The following CRYBG1 variants were observed in gnomAD, a reference collection of about 807,000 sequenced individuals.
CRYBG1 encodes the protein beta/gamma crystallin domain-containing protein 1.
A neutral mutation model predicts 189.2 loss-of-function variants in CRYBG1; 139 were observed. The ratio of observed to expected loss-of-function variants is 0.73; its 90% CI spans 0.64 to 0.85. The LOEUF (loss-of-function observed/expected upper bound fraction) is 0.85, where lower values mean the gene tolerates loss of function less well. Among genes scored for constraint, CRYBG1 ranks in the 40% least tolerant of loss-of-function variants. The pLI, the probability that CRYBG1 is intolerant of heterozygous loss-of-function variation, is 0.00. For missense variants in CRYBG1, 2,611 were observed against 2,675.8 expected, an observed-to-expected ratio of 0.98 and a Z score of 0.53; for synonymous variants, 1,023 against 1,017.1, an observed-to-expected ratio of 1.01 and a Z score of -0.11.
chr6:106,543,466 T>C lies in CRYBG1; in HGVS notation c.4908T>C (p.Phe1636=), dbSNP rs1351366940. The change falls in exon 11 of 22, where the codon TTT becomes TTC. Residue 1636 remains phenylalanine, a synonymous_variant. Transcript: ENST00000633556. ...TAGTTGTTTATGAAAAGCCTTTCTT[T>C]GAAGGAAAATGTGTGGAACTAGAAA... ...PKVVVYEKPF[F]EGKCVELETG... The C allele has an allele frequency of 1.2e-6, 2 of 1,613,874 alleles. No homozygotes were observed. Among genetic ancestry groups the C allele is most frequent in the Non-Finnish European group, 1.7e-6 (2 of 1,179,814 alleles).
At position 106,511,730 on chromosome 6, in the gene CRYBG1, GCCC is replaced by G; in HGVS notation, c.618_620del (p.Pro207del). 2 of 1,535,208 alleles carry G rather than the reference GCCC, an allele frequency of 1.3e-6. No homozygotes were observed. Among genetic ancestry groups the G allele is most frequent in the Non-Finnish European group, 1.7e-6 (2 of 1,146,542 alleles). Reference sequence around the variant, plus strand: ...GCTCCCCGAGAGCGGTGGCCCCGCAGCCCCCCCTGACGCCGAGCTGTCACCTCG... The same window carrying G: ...GCTCCCCGAGAGCGGTGGCCCCGCAGCCCCTGACGCCGAGCTGTCACCTCG... On this transcript the variant is annotated inframe_deletion, in exon 3 of 22. Coordinates refer to ENST00000633556, the MANE Select transcript of CRYBG1 (RefSeq NM_001371242.2).
intron 1 of CRYBG1, among the ~76,000 whole-genome samples, chr6:106,430,722 C>T (rs1202152478): frequency 2.6e-5 from 4 of 152,090 alleles, no homozygotes; most frequent in Non-Finnish European, 4.4e-5. Context: ...CATATTATCT[C>T]GTGGCCTTTC....
intron 2 of CRYBG1, among the ~76,000 whole-genome samples, chr6:106,508,215 G>T (rs1773171558): frequency 6.6e-6 from 1 of 152,220 alleles, no homozygotes. Flanking sequence ...TGCACACCAG[G>T]CTGGTCAATA....
chr6:106,440,453 G>T (rs747292445), intron 1 of CRYBG1, among the ~76,000 whole-genome samples: 2 of 152,038 alleles, frequency 1.3e-5, no homozygotes, highest in Non-Finnish European at 2.9e-5. Context: ...TTTTGGTAGA[G>T]GCAGGGTTTC....
chr6:106,401,358 G>A (rs1283638346), intron 1 of CRYBG1, among the ~76,000 whole-genome samples: 1 of 147,844 alleles, frequency 6.8e-6, no homozygotes, highest in Non-Finnish European at 1.5e-5. Flanking sequence ...TATTATTAGT[G>A]ATATCTTTAT....
intron 21 of CRYBG1, among the ~76,000 whole-genome samples, chr6:106,565,780 TACTC>T (rs1418735003): frequency 2.0e-5 from 3 of 152,206 alleles, no homozygotes. Flanking sequence ...ACAGGTGAAA[TACTC>T]ATTTTATAGA....
At chr6:106,438,398 A>G (rs1771505747) in intron 1 of CRYBG1, among the ~76,000 whole-genome samples, 1 of 152,150 alleles carries the variant, frequency 6.6e-6, no homozygotes, top group African/African-American at 2.4e-5. Flanking sequence ...TCTCTCTCAC[A>G]GTCTGGGGGC....
Position 106,568,793 on chromosome 6 carries a change from A to G in CRYBG1, c.*227A>G. 2.3e-6 allele frequency: 1 copy of G among 431,896 alleles called. No homozygotes were observed. Among genetic ancestry groups the G allele is most frequent in the Non-Finnish European group, 4.2e-6 (1 of 240,568 alleles). The allele number at this position is 431,896 out of a possible 1,614,324, so 26.8% of individuals were successfully genotyped here. On this transcript the variant is annotated 3_prime_UTR_variant, in exon 22 of 22. Transcript: ENST00000633556. ...GTCCTCCTTTCATTTCTTGCCTTTC[A>G]TTTTTGGTAGCTGCTTAAACAGGTT... is the stretch of plus-strand genomic sequence containing the variant.
intron 13 of CRYBG1, among the ~76,000 whole-genome samples, chr6:106,545,180 T>C (rs892320980): frequency 6.6e-6 from 1 of 152,234 alleles, no homozygotes; most frequent in African/African-American, 2.4e-5. Context: ...TCTACAGATC[T>C]GTTTCCCTTG....
At chr6:106,538,136 G>C (rs917950158) in intron 8 of CRYBG1, among the ~76,000 whole-genome samples, 2 of 148,858 alleles carry the variant, frequency 1.3e-5, no homozygotes, top group Admixed American at 6.7e-5. Flanking sequence ...ATGAGTGTAA[G>C]TGATCACTAA....
intron 2 of CRYBG1, among the ~76,000 whole-genome samples, chr6:106,483,378 G>GTGTGTGTGTGTATA (rs1347885031): frequency 1.8e-4 from 20 of 113,790 alleles, no homozygotes; most frequent in African/African-American, 5.1e-4. Context: ...GTGTGTGTGT[G>GTGTGTGTGTGTATA]TATATATATA....
chr6:106,571,140 T>A lies in CRYBG1; in HGVS notation c.*2574T>A, dbSNP rs1295612450. On this transcript the variant is annotated 3_prime_UTR_variant, in exon 22 of 22. Coordinates refer to ENST00000633556, the MANE Select transcript of CRYBG1 (RefSeq NM_001371242.2). ...AAACAGGCCTAATCCTTATGCAAGATGTAAGGGTTTTAAAAAGTTAGAAAC... is the reference window on the plus strand; with the variant it reads ...AAACAGGCCTAATCCTTATGCAAGAAGTAAGGGTTTTAAAAAGTTAGAAAC... The A allele has an allele frequency of 1.3e-5, 2 of 152,150 alleles. No individual in the cohort carries two copies. Among genetic ancestry groups the A allele is most frequent in the Non-Finnish European group, 2.9e-5 (2 of 68,018 alleles). The allele number at this position is 152,150 out of a possible 1,614,324, so 9.4% of individuals were successfully genotyped here.
chr6:106,560,656 A>G, intron 18 of CRYBG1, 147 bp from the exon 19 acceptor site: 3 of 936,304 alleles, frequency 3.2e-6, no homozygotes, highest in Middle Eastern at 3.8e-4. Context: ...ACTTCTTTTA[A>G]GTGTTCTAGA....
In CRYBG1 at chr6:106,487,420, T is replaced by A. The variant is rs145654641; in HGVS notation, c.313-24010T>A. Among the ~76,000 whole-genome samples the A allele has an allele frequency of 2.9e-3, 443 of 152,324 alleles. 2 individuals are homozygous for A. Among genetic ancestry groups the A allele is most frequent in the Non-Finnish European group, 5.1e-3 (348 of 68,014 alleles). ...TATGATATTAATTATCACCCATTTG[T>A]TTTCCTATTGTAAAATTCCTTTAAG... On this transcript the variant is annotated intron_variant, in intron 2 of 21. Coordinates refer to ENST00000633556, the MANE Select transcript of CRYBG1 (RefSeq NM_001371242.2).
intron 1 of CRYBG1, among the ~76,000 whole-genome samples, chr6:106,410,914 C>T (rs1163721109): frequency 2.6e-5 from 4 of 152,192 alleles, no homozygotes; most frequent in South Asian, 2.1e-4. Flanking sequence ...ATGTAGATGA[C>T]GGGTTGATGG....
intron 1 of CRYBG1, among the ~76,000 whole-genome samples, chr6:106,404,563 G>A (rs1390234599): frequency 5.3e-5 from 8 of 152,106 alleles, no homozygotes; most frequent in Non-Finnish European, 8.8e-5. Context: ...GAGTGGGAGA[G>A]TAAGAATTAG....
intron 2 of CRYBG1, among the ~76,000 whole-genome samples, chr6:106,463,686 T>G (rs1204076024): frequency 6.6e-6 from 1 of 152,228 alleles, no homozygotes; most frequent in Non-Finnish European, 1.5e-5. Flanking sequence ...ATCAGTCAGA[T>G]AAAGCCTTTA....
chr6:106,532,193 T>C (rs1773889209), intron 8 of CRYBG1, among the ~76,000 whole-genome samples: 1 of 152,208 alleles, frequency 6.6e-6, no homozygotes, highest in Admixed American at 6.5e-5. Flanking sequence ...CTCTTCTAGC[T>C]ATTTTGAAAT....
At position 106,512,503 on chromosome 6, in the gene CRYBG1, G is replaced by C; in HGVS notation, c.1386G>C (p.Ser462=). 1 of 1,611,084 alleles carries C rather than the reference G, an allele frequency of 6.2e-7. No individual in the cohort carries two copies. Among genetic ancestry groups the C allele is most frequent in the East Asian group, 2.2e-5 (1 of 44,788 alleles). ...VAPNAASDNA[S]AEKKVKSPRA... The stretch of plus-strand genomic sequence containing the variant: ...CAAACGCGGCCAGCGATAACGCCTC[G>C]GCGGAAAAGAAAGTGAAATCTCCGC... Residue 462 remains serine, a synonymous_variant, in exon 3 of 22, where the codon TCG becomes TCC. Coordinates refer to ENST00000633556, the MANE Select transcript of CRYBG1 (RefSeq NM_001371242.2).
Sources: gnomAD v4.1 joint callset for allele counts (sites outside exome capture counted in the v4.1 genomes callset) on GRCh38, gnomAD v4.1.1 for gene constraint, MANE v1.5 for transcripts, NCBI Gene and HGNC (gene_info 2026-07-23, HGNC 2026-07-21) for gene names.